Variants in CTSF observed in about 807,000 individuals in gnomAD.
CTSF encodes cathepsin F.
Under a neutral mutation model 63.5 loss-of-function variants are expected in CTSF, and 65 were observed. The ratio of observed to expected loss-of-function variants is 1.02; its 90% CI spans 0.84 to 1.26. CTSF has a LOEUF of 1.26. Ranked by LOEUF, CTSF falls within the 50% of genes most tolerant of loss-of-function variation. CTSF has a pLI of 0.00. For missense variants in CTSF, 641 were observed against 631.0 expected (o/e 1.02, Z -0.17); for synonymous variants, 256 against 258.1 (o/e 0.99, Z 0.08).
At position 66,567,638 on chromosome 11, in the gene CTSF, C is replaced by T; in HGVS notation, c.337G>A (p.Glu113Lys). 1 of 1,614,114 alleles carries T rather than the reference C, an allele frequency of 6.2e-7. No homozygotes were observed. The highest frequency in any genetic ancestry group is 8.5e-7 in the Non-Finnish European group (1 of 1,180,016). The change falls in exon 3 of 13, where the codon GAG (glutamate) becomes AAG (lysine). Residue 113 changes from glutamate to lysine, a missense_variant. Coordinates refer to ENST00000310325, the MANE Select transcript of CTSF (RefSeq NM_003793.4). ...CGCAGCAGCACGTGTCTTCCGAGCT[C>T]ATCCAGGACTTGGAAGCTGCAGAGC... The part of the protein sequence containing the change: ...TLLCSFQVLD[E>K]LGRHVLLRKD...
rs1475813041 is a variant in CTSF at position 66,568,383 on chromosome 11, G to C, written c.104C>G (p.Pro35Arg). The C allele has an allele frequency of 3.8e-6, 5 of 1,307,666 alleles. No homozygotes were observed. Among genetic ancestry groups the C allele is most frequent in the Admixed American group, 4.2e-5 (1 of 23,810 alleles). 81.0% of individuals were successfully genotyped at this position (1,307,666 alleles called of 1,614,324 possible). A position where few individuals can be genotyped will look rare whatever the true frequency, so the allele number is the denominator to read the frequency against. The change falls in exon 1 of 13, where the codon CCG becomes CGG. Residue 35 changes from proline (P) to arginine (R), a missense_variant. Physicochemically the swap from Pro to Arg is moderately radical, Grantham distance 103. Coordinates refer to ENST00000310325, the MANE Select transcript of CTSF (RefSeq NM_003793.4). ...RAASFQAWGP[P>R]SPELLAPTRF... ...GGTGGGCGCCAGCAGCTCCGGGGACGGCGGCCCCCAGGCCTGAAAGCTGGC... is the reference window on the plus strand; with the variant it reads ...GGTGGGCGCCAGCAGCTCCGGGGACCGCGGCCCCCAGGCCTGAAAGCTGGC...
In CTSF at chr11:66,564,075, C is replaced by T. The variant is rs1383853489; in HGVS notation, c.1380+13G>A. On this transcript the variant is annotated intron_variant, in intron 12 of 12. Transcript: ENST00000310325. ...GCGGCTGGAGGGCCAGGGGCCAAGCCAGCAAGACTCACCTTCTCACCCCAG... is the reference window on the plus strand; with the variant it reads ...GCGGCTGGAGGGCCAGGGGCCAAGCTAGCAAGACTCACCTTCTCACCCCAG... The T allele has an allele frequency of 1.2e-6, 2 of 1,613,724 alleles. No individual in the cohort carries two copies. The highest frequency in any genetic ancestry group is 3.3e-5 in the Admixed American group (2 of 59,966).
At position 66,565,735 on chromosome 11, in the gene CTSF, G is replaced by C; in HGVS notation, c.981C>G (p.Asp327Glu). ...CGCCCATGCAGGCCTTGTCCATCTT[G>C]TCACAGTCCAAGAGCTCTAGGAGAC... The part of the protein sequence containing the change: ...SLSEQELLDC[D>E]KMDKACMGGL... Residue 327 changes from aspartate (D) to glutamate (E), a missense_variant, in exon 8 of 13, where the codon GAC (aspartate) becomes GAG (glutamate). Asp to Glu is a conservative substitution (Grantham distance 45). Coordinates refer to ENST00000310325, the MANE Select transcript of CTSF (RefSeq NM_003793.4). 1 of 1,613,912 alleles carries C rather than the reference G, an allele frequency of 6.2e-7. No homozygotes were observed. Among genetic ancestry groups the C allele is most frequent in the Non-Finnish European group, 8.5e-7 (1 of 1,180,048 alleles).
At position 66,563,987 on chromosome 11, in the gene CTSF, A is replaced by G. The variant is rs572846; in HGVS notation, c.1401T>C (p.Arg467=). 0.54 allele frequency: 877,253 copies of G among 1,613,410 alleles called. 244,359 individuals are homozygous for G. The highest frequency in any genetic ancestry group is 0.83 in the African/African-American group (62,298 of 74,964). ...TGTTCACGCCACAGGCCCCGGACCC[A>G]CGATGCAAGTAGTAGTAACCCTGGG... ...WGEKGYYYLH[R]GSGACGVNTM... Residue 467 remains arginine, a synonymous_variant, in exon 13 of 13, where the codon CGT becomes CGC. Transcript: ENST00000310325.
In CTSF at chr11:66,568,535, C is replaced by T. The variant is rs899732275; in HGVS notation, c.-49G>A. 9.5e-6 allele frequency: 14 copies of T among 1,470,478 alleles called. No homozygotes were observed. The highest frequency in any genetic ancestry group is 3.0e-5 in the African/African-American group (2 of 67,582). 91.1% of individuals were successfully genotyped at this position (1,470,478 alleles called of 1,614,324 possible). A position where few individuals can be genotyped will look rare whatever the true frequency, so the allele number is the denominator to read the frequency against. ...GGACCCAACAGACGCTCCACCGACC[C>T]ACCGGGTACCGAGCCCGCGGCCAGC... On this transcript the variant is annotated 5_prime_UTR_variant, in exon 1 of 13. Coordinates refer to ENST00000310325, the MANE Select transcript of CTSF (RefSeq NM_003793.4).
chr11:66,565,110 C>A, intron 8 of CTSF, 104 bp from the exon 9 acceptor site: 1 of 1,485,806 alleles, frequency 6.7e-7, no homozygotes, highest in Non-Finnish European at 8.9e-7. Flanking sequence ...TCCTCGTCCA[C>A]CCCAGGCCAC....
At chr11:66,568,228 T>C (rs1305315695) in intron 1 of CTSF, 46 bp downstream of exon 1, 3 of 1,520,648 alleles carry the variant, frequency 2.0e-6, no homozygotes, top group African/African-American at 2.8e-5. Context: ...AAAGCTCCTA[T>C]CCCTTGGACC....
chr11:66,567,698 G>A, intron 2 of CTSF, 36 bp from the exon 3 acceptor site: 1 of 1,592,530 alleles, frequency 6.3e-7, no homozygotes, highest in Non-Finnish European at 8.5e-7. Context: ...TGGGGGCCTG[G>A]ATCTGGATCT....
Position 66,567,383 on chromosome 11 carries a change from G to C in CTSF, c.531+61C>G, listed in dbSNP as rs562176915. 1.2e-5 allele frequency: 19 copies of C among 1,613,186 alleles called. No individual in the cohort carries two copies. In the East Asian group the frequency reaches 2.9e-4, roughly 25 times the overall value. On this transcript the variant is annotated intron_variant, in intron 3 of 12. Coordinates refer to ENST00000310325, the MANE Select transcript of CTSF (RefSeq NM_003793.4). ...AACCCACTCCAGAGGGAAGGGAGAA[G>C]GGTGATGAGGCAGCGGCTGGCTCCT...
chr11:66,566,849 G>A (rs1202783173), intron 4 of CTSF, among the ~76,000 whole-genome samples: 1 of 151,746 alleles, frequency 6.6e-6, no homozygotes, highest in Non-Finnish European at 1.5e-5. Flanking sequence ...TCAGCCTCCC[G>A]AGTAGCTGGT....
At chr11:66,567,693 GC>G in intron 2 of CTSF, 31 bp from the exon 3 acceptor site, 2 of 1,598,456 alleles carry the variant, frequency 1.3e-6, no homozygotes. Flanking sequence ...TGCTCTGGGG[GC>G]CTGGATCTGG....
At position 66,565,868 on chromosome 11, in the gene CTSF, A is replaced by G. The variant is rs1469688321; in HGVS notation, c.927T>C (p.Phe309=). The G allele has an allele frequency of 6.2e-7, 1 of 1,614,028 alleles. No homozygotes were observed. Among genetic ancestry groups the G allele is most frequent in the Non-Finnish European group, 8.5e-7 (1 of 1,180,030 alleles). Residue 309 remains phenylalanine, a synonymous_variant, in exon 7 of 13, where the codon TTT becomes TTC. Coordinates refer to ENST00000310325, the MANE Select transcript of CTSF (RefSeq NM_003793.4). ...GGGAGAGCAGGGTCCCCTGGTTGAG[A>G]AACCACTGGCCCTCCACATTGCCTG... The part of the protein sequence containing the change: ...SVTGNVEGQW[F]LNQGTLLSLS...
At chr11:66,564,504 G>C (rs1263126810) in intron 11 of CTSF, 54 bp downstream of exon 11, 1 of 1,448,558 alleles carries the variant, frequency 6.9e-7, no homozygotes, top group Non-Finnish European at 9.3e-7. Context: ...GAGATGCTGT[G>C]ATCCCACCCC....
At position 66,568,038 on chromosome 11, in the gene CTSF, C is replaced by T; in HGVS notation, c.258G>A (p.Glu86=). Residue 86 remains glutamate (E), a synonymous_variant, in exon 2 of 13, where the codon GAG becomes GAA. Transcript: ENST00000310325. ...ACACCATGGGGTCGTTGCAGGGTGG[C>T]TCCTCCAGGGTGGCCTCCAGGGAGT... The part of the protein sequence containing the change: ...SLYSLEATLE[E]PPCNDPMVCR... The T allele has an allele frequency of 6.2e-7, 1 of 1,603,150 alleles. No homozygotes were observed. Among genetic ancestry groups the T allele is most frequent in the Non-Finnish European group, 8.5e-7 (1 of 1,175,878 alleles).
Position 66,565,564 on chromosome 11 carries a change from C to T in CTSF, c.1045+107G>A, listed in dbSNP as rs928771076. 20 of 1,494,894 alleles carry T rather than the reference C, an allele frequency of 1.3e-5. No individual in the cohort carries two copies. The African/African-American group carries it at 2.1e-4, about 15-fold the overall frequency. 92.6% of individuals were successfully genotyped at this position (1,494,894 alleles called of 1,614,324 possible). ...GCTGGGTCAGCATTAAGACCTGGAC[C>T]CAGTTCTGTGTAACTCTCATGCTCA... On this transcript the variant is annotated intron_variant, in intron 8 of 12. Transcript: ENST00000310325.
intron 4 of CTSF, 54 bp downstream of exon 4, chr11:66,567,192 G>C: frequency 6.4e-7 from 1 of 1,574,754 alleles, no homozygotes; most frequent in Non-Finnish European, 8.7e-7. Flanking sequence ...GTGCCAAGTT[G>C]GGGGGAAAGT....
In CTSF at chr11:66,564,729, G is replaced by A. The variant is rs572277115; in HGVS notation, c.1230+13C>T. The stretch of plus-strand genomic sequence containing the variant: ...CAAGAGATGGGGCAGGGGCAGTGGG[G>A]CTAGGGCCTCACCTGCATGCCAAAG... On this transcript the variant is annotated intron_variant, in intron 10 of 12. Transcript: ENST00000310325. The A allele has an allele frequency of 6.2e-7, 1 of 1,613,886 alleles. No individual in the cohort carries two copies. Among genetic ancestry groups the A allele is most frequent in the South Asian group, 1.1e-5 (1 of 91,088 alleles).
chr11:66,567,513 G>GT lies in CTSF; in HGVS notation c.461dup (p.Asn154LysfsTer19). The GT allele has an allele frequency of 6.2e-7, 1 of 1,614,236 alleles. No individual in the cohort carries two copies. The highest frequency in any genetic ancestry group is 1.7e-5 in the Admixed American group (1 of 60,034). Reference sequence around the variant, plus strand: ...AAGTCTCGTTTCTGTTGTCTGGATGGTTTTGGGACAGAGAAGAAATCATGG... The same window carrying GT: ...AAGTCTCGTTTCTGTTGTCTGGATGGTTTTTGGGACAGAGAAGAAATCATGG... On this transcript the variant is annotated frameshift_variant, in exon 3 of 13. Transcript: ENST00000310325. LOFTEE classifies it high-confidence loss of function.
chr11:66,567,944 C>G lies in CTSF; in HGVS notation c.312+40G>C, dbSNP rs74919483. The stretch of plus-strand genomic sequence containing the variant: ...GTCATCATCCAACTGCTGCTTTACT[C>G]GGCCTCGGGGCGGGGAACCCCAAGA... On this transcript the variant is annotated intron_variant, in intron 2 of 12. Coordinates refer to ENST00000310325, the MANE Select transcript of CTSF (RefSeq NM_003793.4). 4,604 of 1,551,180 alleles carry G rather than the reference C, an allele frequency of 3.0e-3. 112 individuals are homozygous for G. The African/African-American group carries it at 0.056, about 19-fold the overall frequency.
Sources: allele counts gnomAD v4.1 joint callset (sites outside exome capture counted in the v4.1 genomes callset), GRCh38; gene constraint gnomAD v4.1.1; transcripts MANE v1.5; gene names NCBI Gene and HGNC (gene_info 2026-07-23, HGNC 2026-07-21).